Variants in HAPLN3 observed in about 807,000 individuals in gnomAD.
HAPLN3 encodes extracellular link domain containing, 1.
Under a neutral mutation model 28.1 loss-of-function variants are expected in HAPLN3, and 28 were observed. That is an observed-to-expected ratio of 1.00 (90% CI 0.74 to 1.37). HAPLN3 has a LOEUF of 1.37. Ranked by LOEUF, HAPLN3 falls within the 40% of genes most tolerant of loss-of-function variation. The pLI, the probability that HAPLN3 is intolerant of heterozygous loss-of-function variation, is 0.00. For synonymous variants in HAPLN3, 211 were observed against 213.1 expected (o/e 0.99, Z 0.09); for missense variants, 513 against 504.6 (o/e 1.02, Z -0.16).
intron 1 of HAPLN3, among the ~76,000 whole-genome samples, chr15:88,893,401 G>A (rs2141678159): frequency 6.6e-6 from 1 of 151,304 alleles, no homozygotes; most frequent in South Asian, 2.2e-4. Flanking sequence ...CTGGCCGACA[G>A]AGCAAGACTC....
chr15:88,878,246 G>C lies in HAPLN3; in HGVS notation c.807C>G (p.Tyr269Ter). Residue 269 changes from tyrosine (Y) to a stop codon, truncating the protein, a stop_gained, in exon 5 of 5, where the codon TAC becomes TAG. Coordinates refer to ENST00000359595, the MANE Select transcript of HAPLN3 (RefSeq NM_178232.4). LOFTEE classifies it low-confidence loss of function (END_TRUNC). ...CFATALKGRV[Y>*]YLEHPEKLTL... ...TCAGCTTCTCAGGGTGCTCCAGGTA[G>C]TACACCCGCCCTGGGGGAAAGGGGG... The C allele has an allele frequency of 6.2e-7, 1 of 1,612,326 alleles. No individual in the cohort carries two copies. The highest frequency in any genetic ancestry group is 1.3e-5 in the African/African-American group (1 of 75,024).
At chr15:88,886,136 G>C (rs1897846701) in intron 2 of HAPLN3, among the ~76,000 whole-genome samples, 1 of 151,658 alleles carries the variant, frequency 6.6e-6, no homozygotes, top group Admixed American at 6.6e-5. Flanking sequence ...GATCACCTGA[G>C]GTCAAGAGTT....
rs933777637 is a variant in HAPLN3, at chr15:88,881,153, G to A, written c.493+204C>T. ...CCCAGCTCTGTCGTTTACAAGCTGT[G>A]TGACCTTAGGTAAGTTACTTGACCT... is the stretch of plus-strand genomic sequence containing the variant. On this transcript the variant is annotated intron_variant, in intron 3 of 4. Transcript: ENST00000359595. The surrounding 1 kb of genome is among the most constrained non-coding windows in gnomAD (Gnocchi z 6.0). 28 of 640,656 alleles carry A rather than the reference G, an allele frequency of 4.4e-5. No individual in the cohort carries two copies. The highest frequency in any genetic ancestry group is 8.5e-4 in the Middle Eastern group (2 of 2,360). 39.7% of individuals were successfully genotyped at this position (640,656 alleles called of 1,614,324 possible).
chr15:88,878,305 G>T (rs1383380367), intron 4 of HAPLN3, 49 bp from the exon 5 acceptor site: 29 of 1,537,422 alleles, frequency 1.9e-5, no homozygotes, highest in Non-Finnish European at 2.5e-5. Context: ...GGCAGCCAGA[G>T]AGCACAGCGG....
In HAPLN3 at chr15:88,880,624, A is replaced by C; in HGVS notation, c.493+733T>G. 1 of 1,287,454 alleles carries C rather than the reference A, an allele frequency of 7.8e-7. No individual in the cohort carries two copies. Among genetic ancestry groups the C allele is most frequent in the Non-Finnish European group, 1.0e-6 (1 of 987,460 alleles). 79.8% of individuals were successfully genotyped at this position (1,287,454 alleles called of 1,614,324 possible). A position where few individuals can be genotyped will look rare whatever the true frequency, so the allele number is the denominator to read the frequency against. On this transcript the variant is annotated intron_variant, in intron 3 of 4. Transcript: ENST00000359595. The surrounding 1 kb of genome is among the most constrained non-coding windows in gnomAD (Gnocchi z 6.0). ...CACAGCCCCATCCTAGAGACAGAGA[A>C]GGTAAATACAAATTAAAGATCAAAC... is the stretch of plus-strand genomic sequence containing the variant.
chr15:88,878,673 T>C (rs368994174), intron 4 of HAPLN3, among the ~76,000 whole-genome samples: 2 of 152,256 alleles, frequency 1.3e-5, no homozygotes, highest in African/African-American at 4.8e-5. Flanking sequence ...AGACAGGCTG[T>C]GTTTTATTCG....
chr15:88,880,585 G>A lies in HAPLN3; in HGVS notation c.493+772C>T. ...CGAACTGCCTCCCTAACATGTGGGA[G>A]AGATGTGAGGACACACAGCCCCATC... On this transcript the variant is annotated intron_variant, in intron 3 of 4. Coordinates refer to ENST00000359595, the MANE Select transcript of HAPLN3 (RefSeq NM_178232.4). The surrounding 1 kb of genome is among the most constrained non-coding windows in gnomAD (Gnocchi z 6.0). 7.8e-7 allele frequency: 1 copy of A among 1,288,840 alleles called. No individual in the cohort carries two copies. The highest frequency in any genetic ancestry group is 1.0e-6 in the Non-Finnish European group (1 of 988,498). 79.8% of individuals were successfully genotyped at this position (1,288,840 alleles called of 1,614,324 possible).
rs1286378521 is a variant in HAPLN3, at chr15:88,895,285, C to A, written c.-48+174G>T. Among the ~76,000 whole-genome samples, 2 of 152,204 alleles carry A rather than the reference C, an allele frequency of 1.3e-5. No homozygotes were observed. Among genetic ancestry groups the A allele is most frequent in the South Asian group, 4.1e-4 (2 of 4,832 alleles). ...CCACTTGTGCCCCGGGCGCCCCTCG[C>A]CCGCGATCACAGCCCATCTCAGCCC... is the stretch of plus-strand genomic sequence containing the variant. On this transcript the variant is annotated intron_variant, in intron 1 of 4. Transcript: ENST00000359595. The surrounding 1 kb of genome is among the most constrained non-coding windows in gnomAD (Gnocchi z 5.5).
chr15:88,889,120 T>TCTG (rs139167060), intron 1 of HAPLN3, among the ~76,000 whole-genome samples: 3 of 152,016 alleles, frequency 2.0e-5, no homozygotes, highest in Non-Finnish European at 2.9e-5. Flanking sequence ...CCATAGAGTG[T>TCTG]CTGCTGCTGC....
At position 88,880,097 on chromosome 15, in the gene HAPLN3, T is replaced by C; in HGVS notation, c.494-828A>G. On this transcript the variant is annotated intron_variant, in intron 3 of 4. Transcript: ENST00000359595. This position sits in a 1 kb window ranked among gnomAD's most constrained non-coding sequence, Gnocchi z 6.0. ...AGCCAGGCACCTGGGCAAAGCCAGGTTGGGCGGCAGAGAAGCCCATGGGCC... is the reference window on the plus strand; with the variant it reads ...AGCCAGGCACCTGGGCAAAGCCAGGCTGGGCGGCAGAGAAGCCCATGGGCC... 6.0e-6 allele frequency: 6 copies of C among 992,108 alleles called. No homozygotes were observed. Among genetic ancestry groups the C allele is most frequent in the South Asian group, 9.2e-5 (2 of 21,814 alleles). The allele number at this position is 992,108 out of a possible 1,614,324, so 61.5% of individuals were successfully genotyped here.
chr15:88,885,732 G>A (rs1897835352), intron 2 of HAPLN3, among the ~76,000 whole-genome samples: 1 of 152,174 alleles, frequency 6.6e-6, no homozygotes, highest in South Asian at 2.1e-4. Context: ...TGGGATTACA[G>A]GTGTGAGTCA....
Position 88,880,011 on chromosome 15 carries a change from C to A in HAPLN3, c.494-742G>T. 1 of 994,158 alleles carries A rather than the reference C, an allele frequency of 1.0e-6. No individual in the cohort carries two copies. The highest frequency in any genetic ancestry group is 1.2e-6 in the Non-Finnish European group (1 of 835,312). 61.6% of individuals were successfully genotyped at this position (994,158 alleles called of 1,614,324 possible). A position where few individuals can be genotyped will look rare whatever the true frequency, so the allele number is the denominator to read the frequency against. ...GGGAAGGACACTTTGGAATCTCCTC[C>A]GTGTGGCCAAGGACCCAGGAACAGC... On this transcript the variant is annotated intron_variant, in intron 3 of 4. Transcript: ENST00000359595. This position sits in a 1 kb window ranked among gnomAD's most constrained non-coding sequence, Gnocchi z 6.0.
rs779520510 is a variant in HAPLN3, at chr15:88,878,144, C to A, written c.909G>T (p.Trp303Cys). ...IAKVGQLFAA[W>C]KFHGLDRCDA... ...CGCAGCGGTCCAGGCCATGGAACTT[C>A]CAGGCGGCAAAGAGCTGTCCCACCT... The change falls in exon 5 of 5, where the codon TGG (tryptophan) becomes TGT (cysteine). Residue 303 changes from tryptophan to cysteine, a missense_variant. Coordinates refer to ENST00000359595, the MANE Select transcript of HAPLN3 (RefSeq NM_178232.4). 3 of 1,614,184 alleles carry A rather than the reference C, an allele frequency of 1.9e-6. No individual in the cohort carries two copies. In the Admixed American group the frequency reaches 5.0e-5, roughly 27 times the overall value.
At chr15:88,887,789 C>A (rs1567205203) in intron 1 of HAPLN3, among the ~76,000 whole-genome samples, 3 of 151,904 alleles carry the variant, frequency 2.0e-5, no homozygotes, top group Non-Finnish European at 4.4e-5. Flanking sequence ...CATGGAGAAA[C>A]CCCGTCTCTA....
chr15:88,883,695 G>T (rs1326662284), intron 2 of HAPLN3, among the ~76,000 whole-genome samples: 1 of 152,210 alleles, frequency 6.6e-6, no homozygotes, highest in Non-Finnish European at 1.5e-5. Context: ...TAGAAAACGA[G>T]TTCTATTCTA....
In HAPLN3 at chr15:88,880,470, G is replaced by A; in HGVS notation, c.493+887C>T. The A allele has an allele frequency of 8.1e-7, 1 of 1,232,930 alleles. No individual in the cohort carries two copies. Among genetic ancestry groups the A allele is most frequent in the Non-Finnish European group, 1.0e-6 (1 of 954,182 alleles). The allele number at this position is 1,232,930 out of a possible 1,614,324, so 76.4% of individuals were successfully genotyped here. On this transcript the variant is annotated intron_variant, in intron 3 of 4. Coordinates refer to ENST00000359595, the MANE Select transcript of HAPLN3 (RefSeq NM_178232.4). This position sits in a 1 kb window ranked among gnomAD's most constrained non-coding sequence, Gnocchi z 6.0. Reference sequence around the variant, plus strand: ...GTGATACCCCATTTTACACCTGAGAGGCCCAGGGCTCTAAGGGGGATGAGG... The same window carrying A: ...GTGATACCCCATTTTACACCTGAGAAGCCCAGGGCTCTAAGGGGGATGAGG...
chr15:88,889,259 T>C lies in HAPLN3; in HGVS notation c.-47-1914A>G, dbSNP rs1408673992. On this transcript the variant is annotated intron_variant, in intron 1 of 4. Coordinates refer to ENST00000359595, the MANE Select transcript of HAPLN3 (RefSeq NM_178232.4). ...TTCTGCTTCCTGCCAAGACCCTGGC[T>C]GCATGGGGGAGAGGAGGTAAGGGGG... Among the ~76,000 whole-genome samples the C allele has an allele frequency of 1.3e-5, 2 of 152,134 alleles. 1 individual carries two copies. The highest frequency in any genetic ancestry group is 1.3e-4 in the Admixed American group (2 of 15,248).
intron 2 of HAPLN3, among the ~76,000 whole-genome samples, chr15:88,885,108 G>A (rs1416523993): frequency 6.6e-6 from 1 of 152,244 alleles, no homozygotes; most frequent in Non-Finnish European, 1.5e-5. Context: ...TGCCTCTGCA[G>A]GCACAATCAT....
chr15:88,889,598 A>C (rs1163189051), intron 1 of HAPLN3, among the ~76,000 whole-genome samples: 1 of 152,092 alleles, frequency 6.6e-6, no homozygotes, highest in African/African-American at 2.4e-5. Context: ...GGCCTCCCAA[A>C]GTGCTGGGAT....
Sources: gnomAD v4.1 joint callset for allele counts (sites outside exome capture counted in the v4.1 genomes callset) on GRCh38, gnomAD v4.1.1 for gene constraint, Gnocchi (gnomAD v3.1) non-coding constraint, MANE v1.5 for transcripts, NCBI Gene and HGNC (gene_info 2026-07-23, HGNC 2026-07-21) for gene names.